The following CTNNA1 variants were observed in gnomAD, a reference collection of about 807,000 sequenced individuals.
CTNNA1 encodes the protein catenin alpha-1.
Under a neutral mutation model 98.4 loss-of-function variants are expected in CTNNA1, and 37 were observed. The ratio of observed to expected loss-of-function variants is 0.38; its 90% CI spans 0.29 to 0.49. The LOEUF (loss-of-function observed/expected upper bound fraction) is 0.49. Ranked by LOEUF, CTNNA1 falls within the 20% of genes least tolerant of loss-of-function variation. CTNNA1 has a pLI of 0.95. For missense variants in CTNNA1, 761 were observed against 1,147.2 expected (o/e 0.66, Z 4.86); for synonymous variants, 404 against 413.2 (o/e 0.98, Z 0.27).
intron 9 of CTNNA1, among the ~76,000 whole-genome samples, chr5:138,895,161 G>C (rs779535053): frequency 1.8e-4 from 28 of 152,108 alleles, no homozygotes; most frequent in Admixed American, 1.1e-3. Flanking sequence ...GGAACCTATT[G>C]GTTCTCAAAG....
rs1243754554 is a variant in CTNNA1 at position 138,873,178 on chromosome 5, A to C, written c.1063-13034A>C. On this transcript the variant is annotated intron_variant, in intron 7 of 17. Transcript: ENST00000302763. This position sits in a 1 kb window ranked among gnomAD's most constrained non-coding sequence, Gnocchi z 6.1. ...GGGATCGGAGCTGCCTGTGGTTCTG[A>C]ACCATTGAGCACTGCCTAATTCTTC... is the stretch of plus-strand genomic sequence containing the variant. 6.2e-7 allele frequency: 1 copy of C among 1,613,834 alleles called. No individual in the cohort carries two copies. Among genetic ancestry groups the C allele is most frequent in the Non-Finnish European group, 8.5e-7 (1 of 1,179,892 alleles).
chr5:138,932,922 A>C (rs918209823), intron 17 of CTNNA1: 3 of 790,752 alleles, frequency 3.8e-6, no homozygotes, highest in Admixed American at 3.4e-5. Context: ...CAAGGGCTGA[A>C]AGGCTGGCCT....
At chr5:138,894,666 T>C (rs1756354890) in intron 9 of CTNNA1, among the ~76,000 whole-genome samples, 1 of 151,532 alleles carries the variant, frequency 6.6e-6, no homozygotes, top group Non-Finnish European at 1.5e-5. Context: ...ATTATGATTA[T>C]GATTATGATT....
chr5:138,753,780 T>A, intron 1 of CTNNA1: 1 of 273,420 alleles, frequency 3.7e-6, no homozygotes, highest in South Asian at 1.7e-4. Context: ...GGGGGCCGCC[T>A]GGGCTGGGGA....
intron 7 of CTNNA1, among the ~76,000 whole-genome samples, chr5:138,839,286 A>G (rs1189575354): frequency 1.3e-5 from 2 of 151,940 alleles, no homozygotes; most frequent in Non-Finnish European, 2.9e-5. Flanking sequence ...GTATAGAGGC[A>G]TGATCTCGGC....
chr5:138,907,663 T>G (rs1759566532), intron 10 of CTNNA1, among the ~76,000 whole-genome samples: 1 of 152,220 alleles, frequency 6.6e-6, no homozygotes, highest in South Asian at 2.1e-4. Flanking sequence ...ACTAGGGTAG[T>G]TAGTTAATTC....
chr5:138,894,281 CT>C (rs539073038), intron 9 of CTNNA1, among the ~76,000 whole-genome samples: 235 of 123,910 alleles, frequency 1.9e-3, no homozygotes, highest in South Asian at 5.0e-3. Context: ...TTTTCTTTCT[CT>C]TTTTTTTTTT....
Position 138,894,240 on chromosome 5 carries a change from C to T in CTNNA1, c.1296+6598C>T, listed in dbSNP as rs570386599. 7.3e-5 allele frequency among the ~76,000 whole-genome samples: 11 copies of T among 151,406 alleles called. No individual in the cohort carries two copies. In the South Asian group the frequency reaches 1.7e-3, roughly 23 times the overall value. On this transcript the variant is annotated intron_variant, in intron 9 of 17. Transcript: ENST00000302763. ...GGCCTCTGATGTTTAAAAAATGTTG[C>T]CTAAGATTAGGCATAATATAGAGCC...
At chr5:138,876,465 C>T (rs1216970441) in intron 7 of CTNNA1, among the ~76,000 whole-genome samples, 1 of 152,192 alleles carries the variant, frequency 6.6e-6, no homozygotes, top group Non-Finnish European at 1.5e-5. Flanking sequence ...GGATGTATAG[C>T]TCCATGTTTA....
intron 1 of CTNNA1, chr5:138,754,529 G>C (rs1019793930): frequency 1.3e-5 from 2 of 152,178 alleles, no homozygotes; most frequent in African/African-American, 4.8e-5. Context: ...TTATATTTAT[G>C]ATGAAGGAAA....
chr5:138,875,146 AT>A (rs1313077363), intron 7 of CTNNA1: 31 of 450,592 alleles, frequency 6.9e-5, no homozygotes, highest in African/African-American at 6.3e-4. Flanking sequence ...AGTTTTGAAT[AT>A]AAGTTATTAA....
chr5:138,824,440 TC>T, intron 5 of CTNNA1, 89 bp from the exon 6 acceptor site: 2 of 1,374,052 alleles, frequency 1.5e-6, no homozygotes, highest in Non-Finnish European at 2.0e-6. Flanking sequence ...TAATAGAAAT[TC>T]TAACTTTTCA....
At chr5:138,795,785 G>A (rs1756902723) in intron 3 of CTNNA1, among the ~76,000 whole-genome samples, 1 of 151,770 alleles carries the variant, frequency 6.6e-6, no homozygotes, top group Non-Finnish European at 1.5e-5. Context: ...TACTCCCTGG[G>A]TAGAATTAAA....
chr5:138,921,298 T>C (rs1252865225), intron 11 of CTNNA1, among the ~76,000 whole-genome samples: 2 of 151,862 alleles, frequency 1.3e-5, no homozygotes, highest in Non-Finnish European at 2.9e-5. Flanking sequence ...TTTGGCTCCC[T>C]TTTTTTTGAA....
At chr5:138,776,649 A>G (rs1287530564) in intron 1 of CTNNA1, among the ~76,000 whole-genome samples, 2 of 149,194 alleles carry the variant, frequency 1.3e-5, no homozygotes, top group Non-Finnish European at 3.0e-5. Context: ...CACCTCCCGG[A>G]CGGGGCGGCT....
intron 17 of CTNNA1, among the ~76,000 whole-genome samples, chr5:138,933,482 G>A (rs1329086030): frequency 1.3e-5 from 2 of 152,074 alleles, no homozygotes; most frequent in Non-Finnish European, 2.9e-5. Flanking sequence ...CCTCCCCCAC[G>A]TGCTTACAGC....
chr5:138,855,590 T>C (rs1763660450), intron 7 of CTNNA1, among the ~76,000 whole-genome samples: 1 of 152,246 alleles, frequency 6.6e-6, no homozygotes, highest in Admixed American at 6.5e-5. Flanking sequence ...CAGTGGTTTT[T>C]AGTTGCTGGC....
intron 3 of CTNNA1, among the ~76,000 whole-genome samples, chr5:138,789,191 C>G (rs1047314906): frequency 6.8e-6 from 1 of 147,922 alleles, no homozygotes; most frequent in South Asian, 2.1e-4. Flanking sequence ...CTGTTTTTCC[C>G]CCCCCCCAGA....
At chr5:138,813,425 G>T (rs1223512244) in intron 5 of CTNNA1, among the ~76,000 whole-genome samples, 1 of 152,200 alleles carries the variant, frequency 6.6e-6, no homozygotes, top group African/African-American at 2.4e-5. Flanking sequence ...GAGTCTGCCT[G>T]ACTCAGAATA....
Sources: gnomAD v4.1 joint callset for allele counts (sites outside exome capture counted in the v4.1 genomes callset) on GRCh38, gnomAD v4.1.1 for gene constraint, Gnocchi (gnomAD v3.1) non-coding constraint, MANE v1.5 for transcripts, NCBI Gene and HGNC (gene_info 2026-07-23, HGNC 2026-07-21) for gene names.